DNAH14: variants seen among roughly 807,000 people sequenced by gnomAD.
The protein encoded by DNAH14 is axonemal beta dynein heavy chain 14.
Under a neutral mutation model 520.9 loss-of-function variants are expected in DNAH14, and 478 were observed. That is an observed-to-expected ratio of 0.92 (90% confidence interval 0.85 to 0.99). The LOEUF (loss-of-function observed/expected upper bound fraction) is 0.99, where lower values mean the gene tolerates loss of function less well. Ranked by LOEUF, DNAH14 falls within the 50% of genes least tolerant of loss-of-function variation. DNAH14 has a pLI of 0.00. For synonymous variants in DNAH14, 1,581 were observed against 1,757.2 expected (o/e 0.90, Z 2.51); for missense variants, 4,831 against 5,234.5 (o/e 0.92, Z 2.38).
chr1:225,306,457 A>C (rs1262414789), intron 58 of DNAH14, among the ~76,000 whole-genome samples: 1 of 152,176 alleles, frequency 6.6e-6, no homozygotes, highest in Non-Finnish European at 1.5e-5. Context: ...GGATGATGTC[A>C]ACAGTCTGAG....
At chr1:225,278,102 CTTAT>C (rs551348128) in intron 54 of DNAH14, among the ~76,000 whole-genome samples, 1 of 151,960 alleles carries the variant, frequency 6.6e-6, no homozygotes, top group Admixed American at 6.5e-5. Flanking sequence ...TATTTAAACA[CTTAT>C]TTAAACTTGT....
At chr1:225,257,279 C>T (rs1459898843) in intron 44 of DNAH14, among the ~76,000 whole-genome samples, 1 of 152,100 alleles carries the variant, frequency 6.6e-6, no homozygotes, top group Non-Finnish European at 1.5e-5. Context: ...CTCTAGTGTC[C>T]TCTGTGGTAA....
chr1:225,159,406 A>T lies in DNAH14; in HGVS notation c.5366A>T (p.Asp1789Val), dbSNP rs1449164001. 3 of 1,550,314 alleles carry T rather than the reference A, an allele frequency of 1.9e-6. No individual in the cohort carries two copies. Among genetic ancestry groups the T allele is most frequent in the Non-Finnish European group, 2.6e-6 (3 of 1,146,440 alleles). Residue 1789 changes from aspartate to valine, a missense_variant, in exon 35 of 86, where the codon GAT becomes GTT. Transcript: ENST00000682510. Reference protein sequence around the residue: ...EASLPKCPPEDVPLFENIIGD... With the variant: ...EASLPKCPPEVVPLFENIIGD... ...AGTTTGCCAAAATGTCCTCCTGAAGATGTCCCACTTTTTGAAAATATTATA... is the reference window on the plus strand; with the variant it reads ...AGTTTGCCAAAATGTCCTCCTGAAGTTGTCCCACTTTTTGAAAATATTATA...
Position 225,346,370 on chromosome 1 carries a change from G to A in DNAH14, c.11087G>A (p.Ser3696Asn). 1 of 1,523,588 alleles carries A rather than the reference G, an allele frequency of 6.6e-7. No individual in the cohort carries two copies. The highest frequency in any genetic ancestry group is 1.7e-4 in the Middle Eastern group (1 of 5,832). The allele number at this position is 1,523,588 out of a possible 1,614,324, so 94.4% of individuals were successfully genotyped here. A position where few individuals can be genotyped will look rare whatever the true frequency, so the allele number is the denominator to read the frequency against. The change falls in exon 70 of 86, where the codon AGT (serine) becomes AAT (asparagine). Residue 3696 changes from serine to asparagine, a missense_variant. Ser to Asn is a conservative substitution (Grantham distance 46). Coordinates refer to ENST00000682510, the MANE Select transcript of DNAH14 (RefSeq NM_001367479.1). Reference sequence around the variant, plus strand: ...AGTGCAATAGACATGTTGACAAAAAGTATTTTTAAGGTGAGATATTCTTTA... The same window carrying A: ...AGTGCAATAGACATGTTGACAAAAAATATTTTTAAGGTGAGATATTCTTTA... ...IKSAIDMLTK[S>N]IFKVVSSALF... is the part of the protein sequence containing the mutation.
chr1:225,031,144 C>A (rs758620174), intron 11 of DNAH14, among the ~76,000 whole-genome samples: 12 of 151,940 alleles, frequency 7.9e-5, no homozygotes, highest in Admixed American at 2.6e-4. Flanking sequence ...AAAATGGTAC[C>A]ATATTTTAAA....
chr1:225,336,075 T>A (rs964262027), intron 66 of DNAH14, among the ~76,000 whole-genome samples: 1 of 140,094 alleles, frequency 7.1e-6, no homozygotes, highest in African/African-American at 2.8e-5. Flanking sequence ...ACATACATAC[T>A]TATATATACA....
Position 225,272,961 on chromosome 1 carries a change from C to T in DNAH14, c.7846C>T (p.Leu2616=), listed in dbSNP as rs1166838612. The T allele has an allele frequency of 2.6e-6, 4 of 1,532,492 alleles. No homozygotes were observed. Among genetic ancestry groups the T allele is most frequent in the Non-Finnish European group, 3.5e-6 (4 of 1,141,812 alleles). 94.9% of individuals were successfully genotyped at this position (1,532,492 alleles called of 1,614,324 possible). A position where few individuals can be genotyped will look rare whatever the true frequency, so the allele number is the denominator to read the frequency against. Residue 2616 remains leucine (L), a synonymous_variant, in exon 52 of 86, where the codon CTA becomes TTA. Coordinates refer to ENST00000682510, the MANE Select transcript of DNAH14 (RefSeq NM_001367479.1). ...FNLRDMFKLL[L]GLLQADRTVV... is the part of the protein sequence containing the mutation. ...ATTTTTAAATCCCTAACAGCTTCTC[C>T]TAGGATTGCTGCAAGCTGACAGGAC... is the stretch of plus-strand genomic sequence containing the variant.
At chr1:225,308,682 T>C (rs1454193007) in intron 60 of DNAH14, among the ~76,000 whole-genome samples, 2 of 152,238 alleles carry the variant, frequency 1.3e-5, no homozygotes, top group Non-Finnish European at 2.9e-5. Flanking sequence ...CAGAAACTCA[T>C]GCAGGCCATA....
intron 27 of DNAH14, among the ~76,000 whole-genome samples, chr1:225,127,766 T>C (rs941321480): frequency 2.0e-5 from 3 of 152,118 alleles, no homozygotes; most frequent in Admixed American, 1.3e-4. Context: ...GTTAGCTGGT[T>C]ATTTTGCTCA....
intron 49 of DNAH14, among the ~76,000 whole-genome samples, chr1:225,270,111 G>A (rs1018777040): frequency 3.3e-5 from 5 of 152,082 alleles, no homozygotes; most frequent in Non-Finnish European, 7.3e-5. Context: ...AGAAAATATG[G>A]CACATATACA....
intron 17 of DNAH14, among the ~76,000 whole-genome samples, chr1:225,069,270 C>T (rs1295812502): frequency 6.6e-6 from 1 of 152,116 alleles, no homozygotes; most frequent in Non-Finnish European, 1.5e-5. Flanking sequence ...AAGAGTACAT[C>T]CTTTTCTTCT....
At chr1:225,009,439 C>G (rs887533504) in intron 10 of DNAH14, among the ~76,000 whole-genome samples, 10 of 152,104 alleles carry the variant, frequency 6.6e-5, no homozygotes, top group Non-Finnish European at 1.3e-4. Context: ...ACTTCTGAGG[C>G]CTCTGTTCTG....
At chr1:225,225,786 A>G (rs530223984) in intron 41 of DNAH14, among the ~76,000 whole-genome samples, 3 of 152,164 alleles carry the variant, frequency 2.0e-5, no homozygotes, top group Admixed American at 6.5e-5. Flanking sequence ...GGGGAAGAGG[A>G]TATGCTGTGT....
At chr1:225,283,439 A>G (rs1406545714) in intron 54 of DNAH14, among the ~76,000 whole-genome samples, 2 of 124,128 alleles carry the variant, frequency 1.6e-5, no homozygotes, top group Non-Finnish European at 3.7e-5. Flanking sequence ...TGAGACCAAA[A>G]AGAAAAAAAA....
intron 55 of DNAH14, among the ~76,000 whole-genome samples, chr1:225,298,038 A>G (rs1193987438): frequency 6.6e-6 from 1 of 152,068 alleles, no homozygotes; most frequent in East Asian, 1.9e-4. Context: ...ACCTCCCACC[A>G]CCAGGGGTGA....
chr1:225,020,888 A>G (rs969795791), intron 10 of DNAH14, among the ~76,000 whole-genome samples: 8 of 152,198 alleles, frequency 5.3e-5, no homozygotes, highest in African/African-American at 1.9e-4. Context: ...AATATACCTA[A>G]TGAACACAGA....
At chr1:225,250,811 G>C (rs1486941531) in intron 43 of DNAH14, 1 of 438,120 alleles carries the variant, frequency 2.3e-6, no homozygotes, top group Non-Finnish European at 4.2e-6. Context: ...CTGCTGAACA[G>C]GGCTGTCCCT....
At chr1:225,205,357 C>T (rs552984491) in intron 39 of DNAH14, among the ~76,000 whole-genome samples, 2 of 152,150 alleles carry the variant, frequency 1.3e-5, no homozygotes, top group Non-Finnish European at 2.9e-5. Context: ...AAAGAATGTG[C>T]CCATCTGTCA....
At chr1:225,228,277 T>G (rs2090748491) in intron 41 of DNAH14, among the ~76,000 whole-genome samples, 1 of 152,204 alleles carries the variant, frequency 6.6e-6, no homozygotes, top group Admixed American at 6.5e-5. Flanking sequence ...CAGCAGGGTA[T>G]AGATCAAAAG....
Sources: allele counts gnomAD v4.1 joint callset (sites outside exome capture counted in the v4.1 genomes callset), GRCh38; gene constraint gnomAD v4.1.1; transcripts MANE v1.5; gene names NCBI Gene and HGNC (gene_info 2026-07-23, HGNC 2026-07-21).